Variants in STK33 observed in about 807,000 individuals in gnomAD.
STK33 encodes serine/threonine-protein kinase 33.
STK33 carries 52 observed loss-of-function variants against 58.0 expected under a neutral mutation model. The observed-to-expected ratio is 0.90, with a 90% CI of 0.72 to 1.13. The LOEUF (loss-of-function observed/expected upper bound fraction) is 1.13. STK33 is among the 50% of genes most tolerant of loss of function. STK33 has a pLI of 0.00. For missense variants in STK33, 630 were observed against 604.2 expected (o/e 1.04, Z -0.45); for synonymous variants, 215 against 200.1 (o/e 1.07, Z -0.63).
the STK33 span, among the ~76,000 whole-genome samples, chr11:8,362,043 G>A: frequency 6.6e-6 from 1 of 152,142 alleles, no homozygotes; most frequent in Non-Finnish European, 1.5e-5. Context: ...TGCCTCCATG[G>A]GGCCTAGGAG....
chr11:8,492,880 AGAT>A (rs1421930980), intron 1 of STK33, among the ~76,000 whole-genome samples: 2 of 152,252 alleles, frequency 1.3e-5, no homozygotes, highest in Non-Finnish European at 2.9e-5. Context: ...GCAGAAATAA[AGAT>A]GTTCTTTGAA....
chr11:8,378,442 T>A, the STK33 span, among the ~76,000 whole-genome samples: 1 of 152,132 alleles, frequency 6.6e-6, no homozygotes, highest in Admixed American at 6.5e-5. Flanking sequence ...CGCTTGAACC[T>A]GGGAGGCAGA....
chr11:8,450,986 A>G (rs1946205412), intron 11 of STK33, among the ~76,000 whole-genome samples: 1 of 152,178 alleles, frequency 6.6e-6, no homozygotes, highest in African/African-American at 2.4e-5. Flanking sequence ...CAAATTAAAA[A>G]TCACAATAAA....
chr11:8,351,409 C>T, the STK33 span, among the ~76,000 whole-genome samples: 1 of 152,216 alleles, frequency 6.6e-6, no homozygotes, highest in African/African-American at 2.4e-5. Context: ...CATCAGGACC[C>T]GGTGGCCATC....
At chr11:8,503,398 T>C (rs1019938414) in intron 1 of STK33, among the ~76,000 whole-genome samples, 11 of 152,098 alleles carry the variant, frequency 7.2e-5, no homozygotes, top group Admixed American at 5.9e-4. Context: ...TTCTCACTTA[T>C]AAGTGGGAGC....
chr11:8,392,318 T>C lies in STK33; in HGVS notation c.*192A>G, dbSNP rs1349925973. On this transcript the variant is annotated 3_prime_UTR_variant, in exon 16 of 16. Transcript: ENST00000687296. ...AAGCCTACTGGTGGCTGTCCTTTAA[T>C]GCCATGTGCAGCTTATGCTGCTTTG... The C allele has an allele frequency of 1.7e-5, 11 of 661,178 alleles. No individual in the cohort carries two copies. The highest frequency in any genetic ancestry group is 2.8e-5 in the Non-Finnish European group (11 of 387,554). The allele number at this position is 661,178 out of a possible 1,614,324, so 41.0% of individuals were successfully genotyped here. A position where few individuals can be genotyped will look rare whatever the true frequency, so the allele number is the denominator to read the frequency against.
chr11:8,558,992 C>T (rs1451970463), intron 1 of STK33, among the ~76,000 whole-genome samples: 1 of 152,128 alleles, frequency 6.6e-6, no homozygotes, highest in African/African-American at 2.4e-5. Context: ...TTTGAAGAAT[C>T]ACAGACTCTC....
chr11:8,344,637 G>A, the STK33 span, among the ~76,000 whole-genome samples: 278 of 152,312 alleles, frequency 1.8e-3, no homozygotes, highest in African/African-American at 6.5e-3. Flanking sequence ...TTTCTCCTGC[G>A]ATGGGTATAA....
intron 15 of STK33, 60 bp downstream of exon 15, chr11:8,413,435 G>T: frequency 6.4e-7 from 1 of 1,565,426 alleles, no homozygotes; most frequent in Non-Finnish European, 8.8e-7. Context: ...CAAAAAAAAT[G>T]TTCCAGGTGT....
chr11:8,557,640 G>A (rs1441599885), intron 1 of STK33, among the ~76,000 whole-genome samples: 1 of 151,922 alleles, frequency 6.6e-6, no homozygotes, highest in Non-Finnish European at 1.5e-5. Context: ...GGCAATTATA[G>A]ACTTGTAACT....
intron 1 of STK33, among the ~76,000 whole-genome samples, chr11:8,490,836 G>A (rs1950556515): frequency 6.6e-6 from 1 of 152,168 alleles, no homozygotes; most frequent in Non-Finnish European, 1.5e-5. Context: ...CAACACACCT[G>A]CAGCTAAGGG....
the STK33 span, among the ~76,000 whole-genome samples, chr11:8,339,574 C>T: frequency 6.6e-6 from 1 of 152,232 alleles, no homozygotes; most frequent in African/African-American, 2.4e-5. Context: ...GCACAGAGGC[C>T]AGGGATGGCC....
intron 11 of STK33, among the ~76,000 whole-genome samples, chr11:8,447,349 AC>A (rs1301103298): frequency 2.0e-5 from 3 of 150,282 alleles, no homozygotes; most frequent in Admixed American, 6.7e-5. Context: ...AGAATTTTAG[AC>A]CAATATCTCT....
intron 1 of STK33, among the ~76,000 whole-genome samples, chr11:8,525,015 A>T (rs1953903797): frequency 6.6e-6 from 1 of 152,106 alleles, no homozygotes; most frequent in Non-Finnish European, 1.5e-5. Flanking sequence ...AACTATACCT[A>T]AAAAAACTGG....
chr11:8,350,404 C>T, the STK33 span, among the ~76,000 whole-genome samples: 2 of 152,198 alleles, frequency 1.3e-5, no homozygotes, highest in African/African-American at 2.4e-5. Flanking sequence ...ACAAATGAGG[C>T]TAGGAACAGG....
At chr11:8,553,176 A>ATATATATATATATATATATGGTG (rs1565346883) in intron 1 of STK33, among the ~76,000 whole-genome samples, 7 of 74,662 alleles carry the variant, frequency 9.4e-5, no homozygotes, top group African/African-American at 2.9e-4. Flanking sequence ...AAATATATAT[A>ATATATATATATATATATATGGTG]TATATATATA....
At chr11:8,406,611 T>C (rs927220607) in intron 15 of STK33, among the ~76,000 whole-genome samples, 30 of 152,180 alleles carry the variant, frequency 2.0e-4, no homozygotes, top group African/African-American at 6.5e-4. Flanking sequence ...TTTCACTAAG[T>C]GTTTTATGTT....
the STK33 span, among the ~76,000 whole-genome samples, chr11:8,367,304 G>T: frequency 6.6e-6 from 1 of 152,244 alleles, no homozygotes. Context: ...TATCCATGCA[G>T]ATTGTGAGTG....
downstream of STK33, among the ~76,000 whole-genome samples, chr11:8,388,617 C>T (rs2134827605): frequency 6.6e-6 from 1 of 152,230 alleles, no homozygotes; most frequent in African/African-American, 2.4e-5. Context: ...AACACGAAGC[C>T]CAGGAGACGT....
Sources: gnomAD v4.1 joint callset for allele counts (sites outside exome capture counted in the v4.1 genomes callset) on GRCh38, gnomAD v4.1.1 for gene constraint, MANE v1.5 for transcripts, NCBI Gene and HGNC (gene_info 2026-07-23, HGNC 2026-07-21) for gene names.